DHX33: variants seen among roughly 807,000 people sequenced by gnomAD.
The protein encoded by DHX33 is DEAH-box helicase 33.
Under a neutral mutation model 72.5 loss-of-function variants are expected in DHX33, and 42 were observed. The observed-to-expected ratio is 0.58, with a 90% CI of 0.45 to 0.75. The LOEUF is 0.75. Among genes scored for constraint, DHX33 ranks in the 30% least tolerant of loss-of-function variants. The pLI is 0.00. For synonymous variants in DHX33, 358 were observed against 366.1 expected, an observed-to-expected ratio of 0.98 and a Z score of 0.25; for missense variants, 842 against 917.5, an observed-to-expected ratio of 0.92 and a Z score of 1.06.
In DHX33 at chr17:5,468,716, GCCT is replaced by G. The variant is rs760454098; in HGVS notation, c.141_143del (p.Gly48del). 1.3e-4 allele frequency: 208 copies of G among 1,606,748 alleles called. No homozygotes were observed. The highest frequency in any genetic ancestry group is 7.3e-4 in the South Asian group (66 of 90,610). The stretch of plus-strand genomic sequence containing the variant: ...GGGCCAGGGGCGGCTGCTGCCTCCG[GCCT>G]CCTCCTCCTCCTCTGCCGCCGCTGC... On this transcript the variant is annotated inframe_deletion, in exon 1 of 12. Transcript: ENST00000225296.
intron 11 of DHX33, among the ~76,000 whole-genome samples, chr17:5,445,969 C>T (rs961761824): frequency 3.3e-5 from 5 of 152,052 alleles, no homozygotes; most frequent in African/African-American, 1.2e-4. Context: ...TGATCTATGC[C>T]TGAAGAAGAT....
chr17:5,447,377 G>A (rs1313656603), intron 11 of DHX33, among the ~76,000 whole-genome samples: 5 of 152,098 alleles, frequency 3.3e-5, no homozygotes, highest in African/African-American at 9.7e-5. Flanking sequence ...AAATTAGGCC[G>A]GGCGTGGTGG....
In DHX33 at chr17:5,444,013, G is replaced by T; in HGVS notation, c.*192C>A. The T allele has an allele frequency of 1.7e-6, 1 of 587,388 alleles. No homozygotes were observed. The highest frequency in any genetic ancestry group is 2.9e-5 in the East Asian group (1 of 34,168). 36.4% of individuals were successfully genotyped at this position (587,388 alleles called of 1,614,324 possible). A position where few individuals can be genotyped will look rare whatever the true frequency, so the allele number is the denominator to read the frequency against. ...AAAAGCATAATTTTGAGGTTTCCAG[G>T]TACAAATGATATGTCCATGTCTATA... On this transcript the variant is annotated 3_prime_UTR_variant, in exon 12 of 12. Transcript: ENST00000225296. The surrounding 1 kb of genome is among the most constrained non-coding windows in gnomAD (Gnocchi z 4.9).
rs1480562667 is a variant in DHX33, at chr17:5,463,783, G to C, written c.290-94C>G. On this transcript the variant is annotated intron_variant, in intron 1 of 11. Transcript: ENST00000225296. ...CACCTATAATCTCAGCACTTTGGGA[G>C]GCCGAGGTAGGAGGCTCTCTTGAGC... The C allele has an allele frequency of 3.2e-6, 4 of 1,269,200 alleles. No homozygotes were observed. In the East Asian group the frequency reaches 7.8e-5, roughly 25 times the overall value. 78.6% of individuals were successfully genotyped at this position (1,269,200 alleles called of 1,614,324 possible).
rs1916505202 is a variant in DHX33 at position 5,443,308 on chromosome 17, AT to A, written c.*896del. 1 of 141,644 alleles carries A rather than the reference AT, an allele frequency of 7.1e-6. No homozygotes were observed. Among genetic ancestry groups the A allele is most frequent in the African/African-American group, 2.6e-5 (1 of 37,940 alleles). 8.8% of individuals were successfully genotyped at this position (141,644 alleles called of 1,614,324 possible). A position where few individuals can be genotyped will look rare whatever the true frequency, so the allele number is the denominator to read the frequency against. ...GTACACAGTCACTCCTCATGCCCGC[AT>A]GTTCACTGGTGCCCAGTTAGAGAGA... On this transcript the variant is annotated 3_prime_UTR_variant, in exon 12 of 12. Coordinates refer to ENST00000225296, the MANE Select transcript of DHX33 (RefSeq NM_020162.4).
intron 2 of DHX33, 83 bp from the exon 3 acceptor site, chr17:5,462,629 A>T (rs542719617): frequency 1.1e-6 from 1 of 937,310 alleles, no homozygotes; most frequent in East Asian, 2.4e-5. Context: ...CACTTGCACT[A>T]CCACAGTGAA....
Position 5,444,439 on chromosome 17 carries a change from C to T in DHX33, c.1890G>A (p.Met630Ile), listed in dbSNP as rs1429822355. 8.1e-6 allele frequency: 13 copies of T among 1,614,074 alleles called. No individual in the cohort carries two copies. The highest frequency in any genetic ancestry group is 1.1e-5 in the Non-Finnish European group (13 of 1,180,050). The change falls in exon 12 of 12, where the codon ATG (methionine) becomes ATA (isoleucine). Residue 630 changes from methionine to isoleucine, a missense_variant. Transcript: ENST00000225296. The surrounding 1 kb of genome is among the most constrained non-coding windows in gnomAD (Gnocchi z 4.9). ...CATCTGGCTGAAGCTCGGCGGTGCT[C>T]ATGAAGAGGCTGTGAGCCAGGCAGC... ...VRRCLAHSLF[M>I]STAELQPDGT...
At chr17:5,455,357 C>A in intron 5 of DHX33, 86 bp from the exon 6 acceptor site, 2 of 1,073,628 alleles carry the variant, frequency 1.9e-6, no homozygotes, top group East Asian at 2.4e-5. Flanking sequence ...TTAACTTCCA[C>A]AATTCACTCT....
intron 1 of DHX33, among the ~76,000 whole-genome samples, chr17:5,464,147 T>C (rs1904764722): frequency 6.6e-6 from 1 of 151,946 alleles, no homozygotes; most frequent in Admixed American, 6.6e-5. Flanking sequence ...CTGGGCAACA[T>C]AGGGAGATGC....
intron 4 of DHX33, among the ~76,000 whole-genome samples, chr17:5,458,610 T>C (rs142900591): frequency 2.6e-5 from 4 of 152,064 alleles, no homozygotes; most frequent in African/African-American, 9.6e-5. Context: ...AAAAACATGA[T>C]AGAACTGTCA....
intron 11 of DHX33, among the ~76,000 whole-genome samples, chr17:5,448,352 G>T (rs1018976851): frequency 6.6e-6 from 1 of 152,204 alleles, no homozygotes; most frequent in Non-Finnish European, 1.5e-5. Context: ...ACAAATTCTA[G>T]AAGGAGCTAC....
chr17:5,461,151 G>C, intron 3 of DHX33, 42 bp from the exon 4 acceptor site: 1 of 1,578,388 alleles, frequency 6.3e-7, no homozygotes, highest in Non-Finnish European at 8.6e-7. Context: ...ACAAATAGTG[G>C]GAAGGCCTTT....
At chr17:5,458,040 T>G (rs1904401700) in intron 4 of DHX33, among the ~76,000 whole-genome samples, 1 of 152,116 alleles carries the variant, frequency 6.6e-6, no homozygotes, top group South Asian at 2.1e-4. Flanking sequence ...CTACAAATTA[T>G]GTTGTGGGAG....
chr17:5,464,429 CTCAGGAGAATGGGCAT>C (rs1480055411), intron 1 of DHX33, among the ~76,000 whole-genome samples: 2 of 152,088 alleles, frequency 1.3e-5, no homozygotes, highest in African/African-American at 4.8e-5. Flanking sequence ...TTGGTAAAGC[CTCAGGAGAATGGGCAT>C]TCAGGTATGT....
At position 5,442,478 on chromosome 17, in the gene DHX33, ATCT is replaced by A. The variant is rs1183619402; in HGVS notation, c.*1724_*1726del. ...AGATAAGGTATATAGGAGCTGTCAG[ATCT>A]TCTTTTGCCCACGTATAACCATTTC... On this transcript the variant is annotated 3_prime_UTR_variant, in exon 12 of 12. Coordinates refer to ENST00000225296, the MANE Select transcript of DHX33 (RefSeq NM_020162.4). The A allele has an allele frequency of 6.6e-6, 1 of 152,172 alleles. No homozygotes were observed. The highest frequency in any genetic ancestry group is 1.5e-5 in the Non-Finnish European group (1 of 68,036). The allele number at this position is 152,172 out of a possible 1,614,324, so 9.4% of individuals were successfully genotyped here. A position where few individuals can be genotyped will look rare whatever the true frequency, so the allele number is the denominator to read the frequency against.
At chr17:5,461,438 T>C (rs1904613736) in intron 3 of DHX33, 1 of 157,404 alleles carries the variant, frequency 6.4e-6, no homozygotes, top group Admixed American at 6.5e-5. Context: ...GCTAACACGG[T>C]GAAACCCCGT....
intron 8 of DHX33, among the ~76,000 whole-genome samples, chr17:5,451,348 G>T (rs566122375): frequency 2.6e-4 from 40 of 152,220 alleles, no homozygotes; most frequent in Admixed American, 2.5e-3. Flanking sequence ...CAGGTGATCT[G>T]CCCACCTTGA....
chr17:5,450,480 C>CT (rs1916853672), intron 9 of DHX33, 74 bp from the exon 10 acceptor site: 1 of 1,500,296 alleles, frequency 6.7e-7, no homozygotes, highest in Non-Finnish European at 9.2e-7. Context: ...CTGTACATTG[C>CT]TTTTGCAGTT....
rs1350159862 is a variant in DHX33, at chr17:5,468,856, G to C, written c.4C>G (p.Pro2Ala). The C allele has an allele frequency of 1.3e-6, 2 of 1,554,420 alleles. No individual in the cohort carries two copies. Among genetic ancestry groups the C allele is most frequent in the East Asian group, 2.4e-5 (1 of 41,310 alleles). MPEEAGFPPAKR... is the reference protein window; with the variant it reads MAEEAGFPPAKR... ...GCCGGCGGGAAGCCCGCCTCCTCCG[G>C]CATGTCGGGAGGGCACCGCGGCGGG... The change falls in exon 1 of 12, where the codon CCG (proline) becomes GCG (alanine). Residue 2 changes from proline (P) to alanine (A), a missense_variant. Coordinates refer to ENST00000225296, the MANE Select transcript of DHX33 (RefSeq NM_020162.4).
Sources: allele counts gnomAD v4.1 joint callset (sites outside exome capture counted in the v4.1 genomes callset), GRCh38; gene constraint gnomAD v4.1.1; non-coding constraint Gnocchi (gnomAD v3.1); transcripts MANE v1.5; gene names NCBI Gene and HGNC (gene_info 2026-07-23, HGNC 2026-07-21).